FBXO47: variants seen among roughly 807,000 people sequenced by gnomAD.
FBXO47 encodes the protein F-box protein 47, also known as F-box only protein 47.
In FBXO47, 34 loss-of-function variants were observed where a neutral mutation model predicts 53.9. That is an observed-to-expected ratio of 0.63 (90% CI 0.48 to 0.84). FBXO47 has a LOEUF of 0.84. FBXO47 is among the 40% of genes least tolerant of loss of function. FBXO47 has a pLI of 0.00. For missense variants in FBXO47, 485 were observed against 541.3 expected (o/e 0.90, Z 1.03); for synonymous variants, 165 against 181.6 (o/e 0.91, Z 0.73).
intron 1 of FBXO47, among the ~76,000 whole-genome samples, chr17:38,964,251 G>A (rs1905973685): frequency 6.6e-6 from 1 of 151,840 alleles, no homozygotes; most frequent in South Asian, 2.1e-4. Context: ...CCTGGGGTCA[G>A]GAGTTTGAGA....
At chr17:38,962,182 G>C in intron 2 of FBXO47, 135 bp from the exon 3 acceptor site, 2 of 711,316 alleles carry the variant, frequency 2.8e-6, no homozygotes, top group Non-Finnish European at 4.4e-6. Context: ...GGAAAAAAGG[G>C]AAAAACCTTA....
intron 3 of FBXO47, among the ~76,000 whole-genome samples, chr17:38,961,237 C>A (rs888470397): frequency 4.6e-5 from 7 of 152,072 alleles, no homozygotes; most frequent in African/African-American, 1.7e-4. Flanking sequence ...TATTGCCATG[C>A]TTTGATGAAT....
intron 6 of FBXO47, 34 bp from the exon 7 acceptor site, chr17:38,945,170 G>T: frequency 1.3e-6 from 2 of 1,502,882 alleles, no homozygotes; most frequent in Non-Finnish European, 1.9e-6. Flanking sequence ...ATCATTCTTC[G>T]TAGAAAGGCT....
chr17:38,944,263 T>C (rs1904643471), intron 7 of FBXO47, among the ~76,000 whole-genome samples: 1 of 149,976 alleles, frequency 6.7e-6, no homozygotes, highest in Non-Finnish European at 1.5e-5. Context: ...CAGTAGCTCA[T>C]GTATGTAATT....
chr17:38,955,296 G>A (rs1037274189), intron 4 of FBXO47, among the ~76,000 whole-genome samples: 1 of 151,062 alleles, frequency 6.6e-6, no homozygotes, highest in Non-Finnish European at 1.5e-5. Flanking sequence ...GCTGAGGCAG[G>A]AGAATGGCAT....
In FBXO47 at chr17:38,945,000, T is replaced by A; in HGVS notation, c.753A>T (p.Arg251Ser). 6.2e-7 allele frequency: 1 copy of A among 1,614,038 alleles called. No individual in the cohort carries two copies. The highest frequency in any genetic ancestry group is 8.5e-7 in the Non-Finnish European group (1 of 1,179,982). ...LKPWPMVNQA[R>S]LLYIIFGPIS... ...TTGGCCCAAAGATGATATACAGTAA[T>A]CTTGCCTGATTCACCATTGGCCATG... Residue 251 changes from arginine (R) to serine (S), a missense_variant, in exon 7 of 11, where the codon AGA becomes AGT. Physicochemically the swap from Arg to Ser is moderately radical, Grantham distance 110 (BLOSUM62 -1). Coordinates refer to ENST00000378079, the MANE Select transcript of FBXO47 (RefSeq NM_001008777.3).
chr17:38,952,520 CTT>C (rs60962640), intron 5 of FBXO47, among the ~76,000 whole-genome samples: 3 of 145,170 alleles, frequency 2.1e-5, no homozygotes, highest in Non-Finnish European at 3.0e-5. Context: ...TTTCAGAGAA[CTT>C]TTTTTTTTTT....
At chr17:38,957,894 C>T (rs891228422) in intron 3 of FBXO47, among the ~76,000 whole-genome samples, 4 of 151,850 alleles carry the variant, frequency 2.6e-5, no homozygotes, top group Non-Finnish European at 4.4e-5. Context: ...AGTGCAGTGG[C>T]GTGATCTCCG....
rs185001241 is a variant in FBXO47, at chr17:38,945,946, A to T, written c.617-810T>A. 7.2e-3 allele frequency among the ~76,000 whole-genome samples: 957 copies of T among 132,964 alleles called. 23 individuals carry two copies. The highest frequency in any genetic ancestry group is 0.014 in the African/African-American group (506 of 35,640). 87.2% of individuals were successfully genotyped at this position (132,964 alleles called of 152,430 possible). A position where few individuals can be genotyped will look rare whatever the true frequency, so the allele number is the denominator to read the frequency against. On this transcript the variant is annotated intron_variant, in intron 6 of 10. Transcript: ENST00000378079. ...GCGAGACTCTGGCTCAAAAAAAAAAAAAATATATATATATATATAAATATA... is the reference window on the plus strand; with the variant it reads ...GCGAGACTCTGGCTCAAAAAAAAAATAAATATATATATATATATAAATATA...
intron 6 of FBXO47, among the ~76,000 whole-genome samples, chr17:38,948,396 G>A (rs1005260689): frequency 2.0e-5 from 3 of 151,668 alleles, no homozygotes; most frequent in African/African-American, 4.8e-5. Flanking sequence ...TGTATTTTTA[G>A]TAGACATGGG....
chr17:38,950,169 C>T (rs1217149526), intron 6 of FBXO47, among the ~76,000 whole-genome samples: 3 of 151,996 alleles, frequency 2.0e-5, no homozygotes, highest in Non-Finnish European at 4.4e-5. Flanking sequence ...TAAGCAGTAA[C>T]TCCCCACTCC....
intron 6 of FBXO47, among the ~76,000 whole-genome samples, chr17:38,946,217 AATAT>A (rs1379742091): frequency 4.5e-5 from 5 of 112,244 alleles, no homozygotes; most frequent in Non-Finnish European, 8.1e-5. Context: ...TATATACAAA[AATAT>A]ATATAAATAT....
At chr17:38,958,057 T>C (rs994870853) in intron 3 of FBXO47, among the ~76,000 whole-genome samples, 3 of 152,094 alleles carry the variant, frequency 2.0e-5, no homozygotes, top group African/African-American at 7.2e-5. Flanking sequence ...TCTCGATCTC[T>C]TGACCTCATG....
Position 38,954,909 on chromosome 17 carries a change from A to G in FBXO47, c.454T>C (p.Cys152Arg). 1.2e-6 allele frequency: 2 copies of G among 1,611,572 alleles called. No homozygotes were observed. Among genetic ancestry groups the G allele is most frequent in the South Asian group, 2.2e-5 (2 of 90,500 alleles). Residue 152 changes from cysteine (C) to arginine (R), a missense_variant, in exon 5 of 11, where the codon TGT (cysteine) becomes CGT (arginine). By Grantham distance (180) the Cys-to-Arg change is radical. Transcript: ENST00000378079. ...TEVSCFKFNG[C>R]AAPMQCLGLT... ...CCTAAACACTGCATAGGAGCTGCAC[A>G]GCCATTGAATTTAAAGCAGGAAACC...
intron 6 of FBXO47, among the ~76,000 whole-genome samples, chr17:38,947,493 G>A (rs925025871): frequency 2.0e-5 from 3 of 151,890 alleles, no homozygotes; most frequent in Non-Finnish European, 2.9e-5. Flanking sequence ...TTTTTGTAGC[G>A]ACAGAGGTCT....
At chr17:38,952,722 C>T (rs946041447) in intron 5 of FBXO47, among the ~76,000 whole-genome samples, 3 of 151,822 alleles carry the variant, frequency 2.0e-5, no homozygotes, top group African/African-American at 7.3e-5. Flanking sequence ...TAGAGTAGAA[C>T]CCCTTTGACC....
chr17:38,950,360 C>G (rs1905212098), intron 6 of FBXO47, among the ~76,000 whole-genome samples: 1 of 151,842 alleles, frequency 6.6e-6, no homozygotes, highest in Non-Finnish European at 1.5e-5. Context: ...TTTTGTTTAT[C>G]CATTCACCTG....
Position 38,939,761 on chromosome 17 carries a change from G to A in FBXO47, c.1084-1029C>T, listed in dbSNP as rs1003549721. Among the ~76,000 whole-genome samples the A allele has an allele frequency of 3.4e-4, 47 of 138,028 alleles. 1 individual carries two copies. The highest frequency in any genetic ancestry group is 1.2e-3 in the African/African-American group (46 of 36,804). 90.6% of individuals were successfully genotyped at this position (138,028 alleles called of 152,430 possible). ...CGGCTCACTGCAAGCTCCGCTTCCC[G>A]GGTTCACGCCATTCTCCTGCCTCAG... On this transcript the variant is annotated intron_variant, in intron 9 of 10. Coordinates refer to ENST00000378079, the MANE Select transcript of FBXO47 (RefSeq NM_001008777.3).
chr17:38,951,436 C>G (rs913819550), intron 6 of FBXO47, 145 bp downstream of exon 6: 1 of 553,064 alleles, frequency 1.8e-6, no homozygotes, highest in African/African-American at 1.9e-5. Context: ...TCAAGTGATC[C>G]TCCCACCTTG....
Sources: gnomAD v4.1 joint callset for allele counts (sites outside exome capture counted in the v4.1 genomes callset) on GRCh38, gnomAD v4.1.1 for gene constraint, MANE v1.5 for transcripts, NCBI Gene and HGNC (gene_info 2026-07-23, HGNC 2026-07-21) for gene names.